Variants in SHPRH observed in about 807,000 individuals in gnomAD.
The protein encoded by SHPRH is SNF2 histone linker PHD RING helicase.
SHPRH carries 106 observed loss-of-function variants against 202.5 expected under a neutral mutation model. That is an observed-to-expected ratio of 0.52 (90% CI 0.45 to 0.62). The LOEUF is 0.62. Among genes scored for constraint, SHPRH ranks in the 20% least tolerant of loss-of-function variants. The probability of loss-of-function intolerance (pLI) is 0.00; values close to 1 mark genes in which losing one functional copy is unlikely to be tolerated. For missense variants in SHPRH, 1,710 were observed against 2,020.0 expected (o/e 0.85, Z 2.94); for synonymous variants, 729 against 686.0 (o/e 1.06, Z -0.98).
At chr6:145,928,757 T>C (rs1285551458) in intron 14 of SHPRH, among the ~76,000 whole-genome samples, 3 of 152,024 alleles carry the variant, frequency 2.0e-5, no homozygotes, top group East Asian at 3.8e-4. Flanking sequence ...CATTGCTTTA[T>C]ATCTAGTTCT....
At chr6:145,890,448 G>C (rs965083087) in intron 28 of SHPRH, among the ~76,000 whole-genome samples, 1 of 152,086 alleles carries the variant, frequency 6.6e-6, no homozygotes, top group Non-Finnish European at 1.5e-5. Context: ...CATAGCACTT[G>C]AAACAGGTGA....
In SHPRH at chr6:145,886,574, C is replaced by T; in HGVS notation, c.*117G>A. Reference sequence around the variant, plus strand: ...GTATAACCAGAACAATAAACAAATTCATTCAACTAGGAACAGTGTTACTGT... The same window carrying T: ...GTATAACCAGAACAATAAACAAATTTATTCAACTAGGAACAGTGTTACTGT... On this transcript the variant is annotated 3_prime_UTR_variant, in exon 30 of 30. Transcript: ENST00000275233. 1 of 1,503,438 alleles carries T rather than the reference C, an allele frequency of 6.7e-7. No individual in the cohort carries two copies. The highest frequency in any genetic ancestry group is 8.9e-7 in the Non-Finnish European group (1 of 1,123,618). The allele number at this position is 1,503,438 out of a possible 1,614,324, so 93.1% of individuals were successfully genotyped here. A position where few individuals can be genotyped will look rare whatever the true frequency, so the allele number is the denominator to read the frequency against.
At chr6:145,927,421 T>A in intron 14 of SHPRH, 144 bp from the exon 15 acceptor site, 1 of 663,790 alleles carries the variant, frequency 1.5e-6, no homozygotes, top group East Asian at 2.8e-5. Flanking sequence ...TGACTTGGTA[T>A]TAATATGATT....
intron 2 of SHPRH, among the ~76,000 whole-genome samples, chr6:145,866,526 A>G (rs1367255910): frequency 6.6e-6 from 1 of 152,080 alleles, no homozygotes; most frequent in African/African-American, 2.4e-5. Context: ...AGTGCTCTTT[A>G]TGATAAAATA....
rs779802630 is a variant in SHPRH, at chr6:145,910,588, T to C, written c.4375A>G (p.Ile1459Val). The change falls in exon 25 of 30, where the codon ATA becomes GTA. Residue 1459 changes from isoleucine to valine, a missense_variant. Ile to Val is a conservative substitution (Grantham distance 29). This residue lies in a region of SHPRH where 306 missense variants were observed against 479.5 expected (regional missense o/e 0.64). Coordinates refer to ENST00000275233, the MANE Select transcript of SHPRH (RefSeq NM_001042683.3). ...CCCACGCTGTATTGTTCAATAATTA[T>C]AGAAATGCATTCATTACAGAAACAG... ...GHCFCNECIS[I>V]IIEQYSVGSH... 1.3e-5 allele frequency: 21 copies of C among 1,612,948 alleles called. No homozygotes were observed. Among genetic ancestry groups the C allele is most frequent in the South Asian group, 2.2e-5 (2 of 91,024 alleles).
At chr6:145,909,381 AATGG>A (rs767410021) in intron 25 of SHPRH, 5 of 152,078 alleles carry the variant, frequency 3.3e-5, no homozygotes, top group Non-Finnish European at 5.9e-5. Context: ...GTGTGGAATG[AATGG>A]ATGAATGCTT....
chr6:145,858,856 A>T, the SHPRH span, among the ~76,000 whole-genome samples: 1 of 152,034 alleles, frequency 6.6e-6, no homozygotes, highest in African/African-American at 2.4e-5. Context: ...ATAATCTGGC[A>T]TACTTTCAAC....
rs570241938 is a variant in SHPRH at position 145,918,333 on chromosome 6, A to C, written c.4153-101T>G. On this transcript the variant is annotated intron_variant, in intron 22 of 29. Transcript: ENST00000275233. ...CCAGTAATACAAATGTATTGTTTTT[A>C]AAAAAAACCTATTTACATTCTAAAA... 4.1e-6 allele frequency: 3 copies of C among 722,946 alleles called. No individual in the cohort carries two copies. In the Admixed American group the frequency reaches 1.2e-4, roughly 29 times the overall value. 44.8% of individuals were successfully genotyped at this position (722,946 alleles called of 1,614,324 possible).
At chr6:145,891,125 G>A (rs1781533196) in intron 28 of SHPRH, among the ~76,000 whole-genome samples, 1 of 152,028 alleles carries the variant, frequency 6.6e-6, no homozygotes, top group African/African-American at 2.4e-5. Flanking sequence ...AATGGCTCCC[G>A]ATTTCACACA....
At chr6:145,947,379 T>C in intron 6 of SHPRH, 114 bp downstream of exon 6, 1 of 1,186,294 alleles carries the variant, frequency 8.4e-7, no homozygotes, top group Middle Eastern at 2.6e-4. Context: ...TATAAATCAT[T>C]ACCCACAGAG....
At chr6:145,888,664 A>G (rs915761073) in intron 28 of SHPRH, among the ~76,000 whole-genome samples, 1 of 152,140 alleles carries the variant, frequency 6.6e-6, no homozygotes, top group Non-Finnish European at 1.5e-5. Flanking sequence ...GTTTGTATGC[A>G]TGATTTGATG....
At chr6:145,880,445 A>G (rs978597661), downstream of SHPRH, among the ~76,000 whole-genome samples, 1 of 152,106 alleles carries the variant, frequency 6.6e-6, no homozygotes, top group African/African-American at 2.4e-5. Context: ...CTTGGGCAAC[A>G]TGGAGAAACC....
chr6:145,900,009 T>G (rs896501004), intron 25 of SHPRH, among the ~76,000 whole-genome samples: 90 of 152,200 alleles, frequency 5.9e-4, no homozygotes, highest in African/African-American at 2.0e-3. Context: ...AGATAAGTAT[T>G]GGTGAGAAGG....
intron 24 of SHPRH, among the ~76,000 whole-genome samples, 167 bp from the exon 25 acceptor site, chr6:145,910,803 GTT>G (rs1221847911): frequency 1.3e-5 from 2 of 152,012 alleles, no homozygotes; most frequent in Non-Finnish European, 2.9e-5. Context: ...TCCAAAGTAA[GTT>G]TTCATAATCT....
intron 3 of SHPRH, among the ~76,000 whole-genome samples, chr6:145,951,545 T>C (rs372858881): frequency 3.3e-5 from 5 of 152,054 alleles, no homozygotes; most frequent in Non-Finnish European, 7.4e-5. Context: ...ATGAACAAAT[T>C]GTAATATTTT....
At chr6:145,913,584 C>T (rs371469371) in intron 23 of SHPRH, 35 bp from the exon 24 acceptor site, 105 of 1,546,786 alleles carry the variant, frequency 6.8e-5, no homozygotes, top group Middle Eastern at 2.0e-4. Context: ...ATATTAGTTA[C>T]GTTTTTACAT....
downstream of SHPRH, chr6:145,862,511 T>C: frequency 6.5e-6 from 1 of 153,186 alleles, no homozygotes; most frequent in Non-Finnish European, 1.5e-5. Context: ...AGGAAGAAAC[T>C]TTTGGAGGTG....
At chr6:145,947,396 G>T in intron 6 of SHPRH, 97 bp downstream of exon 6, 1 of 1,349,304 alleles carries the variant, frequency 7.4e-7, no homozygotes, top group African/African-American at 1.5e-5. Context: ...AGAGTGAACA[G>T]AAAGTGTTGA....
intron 25 of SHPRH, chr6:145,909,035 T>C (rs1213446144): frequency 6.6e-6 from 1 of 152,104 alleles, no homozygotes; most frequent in Non-Finnish European, 1.5e-5. Flanking sequence ...TTTTGTCGGG[T>C]CTGTCAAAGA....
Sources: allele counts gnomAD v4.1 joint callset (sites outside exome capture counted in the v4.1 genomes callset), GRCh38; gene constraint gnomAD v4.1.1; regional missense constraint gnomAD v4.1.1; transcripts MANE v1.5; gene names NCBI Gene and HGNC (gene_info 2026-07-23, HGNC 2026-07-21).